Variants in ANGPT4 observed in about 807,000 individuals in gnomAD.
ANGPT4 encodes angiopoietin-4.
A neutral mutation model predicts 53.0 loss-of-function variants in ANGPT4; 50 were observed. The ratio of observed to expected loss-of-function variants is 0.94; its 90% CI spans 0.75 to 1.20. The LOEUF (loss-of-function observed/expected upper bound fraction) is 1.20. Among genes scored for constraint, ANGPT4 ranks in the 50% most tolerant of loss-of-function variants. The pLI, the probability that ANGPT4 is intolerant of heterozygous loss-of-function variation, is 0.00. For synonymous variants in ANGPT4, 251 were observed against 259.7 expected, an observed-to-expected ratio of 0.97 and a Z score of 0.32; for missense variants, 648 against 637.1, an observed-to-expected ratio of 1.02 and a Z score of -0.18.
At chr20:913,674 G>A (rs1436830730) in intron 1 of ANGPT4, among the ~76,000 whole-genome samples, 4 of 152,252 alleles carry the variant, frequency 2.6e-5, no homozygotes, top group Admixed American at 2.6e-4. Context: ...ATGGATGAGA[G>A]TGAGAGGTGA....
intron 4 of ANGPT4, 123 bp downstream of exon 4, chr20:884,955 G>A: frequency 1.5e-6 from 2 of 1,323,564 alleles, no homozygotes; most frequent in South Asian, 2.9e-5. Context: ...TTTCACAGAT[G>A]GTCGGGGAGG....
chr20:889,094 C>T (rs1981732611), intron 2 of ANGPT4, among the ~76,000 whole-genome samples: 1 of 152,182 alleles, frequency 6.6e-6, no homozygotes, highest in Non-Finnish European at 1.5e-5. Context: ...GTCTGGAGCA[C>T]TCTCTGCAGT....
rs556018104 is a variant in ANGPT4, at chr20:872,891, G to A, written c.*69C>T. The A allele has an allele frequency of 3.3e-5, 52 of 1,584,972 alleles. No homozygotes were observed. The African/African-American group carries it at 6.6e-4, about 20-fold the overall frequency. ...CGGTGGCACAGTGTCTTGCATCTGG[G>A]TCCAGGTTGTCCAGGAGTGCCAAGT... is the stretch of plus-strand genomic sequence containing the variant. On this transcript the variant is annotated 3_prime_UTR_variant, in exon 9 of 9. Coordinates refer to ENST00000381922, the MANE Select transcript of ANGPT4 (RefSeq NM_015985.4).
At chr20:874,627 T>C (rs1215138038) in intron 7 of ANGPT4, among the ~76,000 whole-genome samples, 1 of 152,234 alleles carries the variant, frequency 6.6e-6, no homozygotes, top group Non-Finnish European at 1.5e-5. Flanking sequence ...AAGCACTTAC[T>C]GTATGCCAGG....
At position 874,333 on chromosome 20, in the gene ANGPT4, G is replaced by C; in HGVS notation, c.1302C>G (p.Asp434Glu). The change falls in exon 8 of 9, where the codon GAC becomes GAG. Residue 434 changes from aspartate (D) to glutamate (E), a missense_variant. Transcript: ENST00000381922. ...TGCAGAGACAGTGGTCGTTGTCTGA[G>C]TCAAGGGTGCTAAAGCTGGTGTTCT... ...VLQNTSFSTL[D>E]SDNDHCLCKC... 2 of 1,614,236 alleles carry C rather than the reference G, an allele frequency of 1.2e-6. No individual in the cohort carries two copies. The highest frequency in any genetic ancestry group is 1.7e-6 in the Non-Finnish European group (2 of 1,180,034).
chr20:898,950 C>T (rs1361364518), intron 1 of ANGPT4, among the ~76,000 whole-genome samples: 3 of 152,206 alleles, frequency 2.0e-5, no homozygotes, highest in Non-Finnish European at 2.9e-5. Context: ...ACACCCAGAG[C>T]CCCTGGAAAT....
intron 1 of ANGPT4, among the ~76,000 whole-genome samples, chr20:897,429 G>C (rs1476843929): frequency 6.6e-6 from 1 of 152,096 alleles, no homozygotes; most frequent in Non-Finnish European, 1.5e-5. Flanking sequence ...CAATCTCCCT[G>C]TCCTTCCAAT....
chr20:878,436 T>A, intron 6 of ANGPT4, 109 bp from the exon 7 acceptor site: 1 of 1,111,570 alleles, frequency 9.0e-7, no homozygotes, highest in Non-Finnish European at 1.3e-6. Context: ...AAAACCACTG[T>A]GCTTAATGAT....
At position 888,435 on chromosome 20, in the gene ANGPT4, A is replaced by G. The variant is rs781224242; in HGVS notation, c.470T>C (p.Leu157Pro). The change falls in exon 3 of 9, where the codon CTG (leucine) becomes CCG (proline). Residue 157 changes from leucine to proline, a missense_variant. Physicochemically the swap from Leu to Pro is moderately conservative, Grantham distance 98. Coordinates refer to ENST00000381922, the MANE Select transcript of ANGPT4 (RefSeq NM_015985.4). The part of the protein sequence containing the change: ...RKLTDMEAQL[L>P]NQTSRMDAQM... Reference sequence around the variant, plus strand: ...GGCATCCATTCTTGATGTCTGGTTCAGGAGCTGCCCCAGCAAGCAGAAGCA... The same window carrying G: ...GGCATCCATTCTTGATGTCTGGTTCGGGAGCTGCCCCAGCAAGCAGAAGCA... The G allele has an allele frequency of 3.7e-6, 6 of 1,611,906 alleles. No individual in the cohort carries two copies. In the South Asian group the frequency reaches 6.6e-5, roughly 18 times the overall value.
chr20:884,728 A>C (rs371673089), intron 4 of ANGPT4, among the ~76,000 whole-genome samples: 2 of 152,264 alleles, frequency 1.3e-5, no homozygotes, highest in South Asian at 4.2e-4. Context: ...AGGGAGGGGT[A>C]GGACAAGCCC....
intron 1 of ANGPT4, among the ~76,000 whole-genome samples, chr20:894,487 G>A (rs756276309): frequency 3.3e-5 from 5 of 152,042 alleles, no homozygotes; most frequent in East Asian, 1.9e-4. Context: ...AGGCTGGTCC[G>A]GGGGTCCGTG....
rs1239931022 is a variant in ANGPT4 at position 914,981 on chromosome 20, A to T, written c.309+925T>A. 6.6e-6 allele frequency among the ~76,000 whole-genome samples: 1 copy of T among 152,124 alleles called. No individual in the cohort carries two copies. Reference sequence around the variant, plus strand: ...CGCATCCAATTCACCAGCAGAGCTGATGGGCTCTACCTCCAGAACCCACCA... The same window carrying T: ...CGCATCCAATTCACCAGCAGAGCTGTTGGGCTCTACCTCCAGAACCCACCA... On this transcript the variant is annotated intron_variant, in intron 1 of 8. Coordinates refer to ENST00000381922, the MANE Select transcript of ANGPT4 (RefSeq NM_015985.4). This position sits in a 1 kb window ranked among gnomAD's most constrained non-coding sequence, Gnocchi z 5.0.
intron 1 of ANGPT4, among the ~76,000 whole-genome samples, chr20:893,969 C>G (rs1280350168): frequency 6.6e-6 from 1 of 152,020 alleles, no homozygotes; most frequent in Non-Finnish European, 1.5e-5. Context: ...CTGTCAGCTC[C>G]CAGGAGATTC....
At chr20:891,724 T>C (rs1981854591) in intron 1 of ANGPT4, among the ~76,000 whole-genome samples, 1 of 152,220 alleles carries the variant, frequency 6.6e-6, no homozygotes, top group East Asian at 1.9e-4. Context: ...TCTTCTCCCT[T>C]CTTCCATCTT....
Position 873,041 on chromosome 20 carries a change from G to A in ANGPT4, c.1431C>T (p.Asp477=), listed in dbSNP as rs750544749. 23 of 1,613,998 alleles carry A rather than the reference G, an allele frequency of 1.4e-5. No homozygotes were observed. Among genetic ancestry groups the A allele is most frequent in the Middle Eastern group, 1.6e-4 (1 of 6,084 alleles). ...CCTTGAAGTAGTGCCAGCGGATGCC[G>A]TCCATCTTGTACTTGTTGTCGGGAG... ...YHAPDNKYKM[D]GIRWHYFKGP... Residue 477 remains aspartate (D), a synonymous_variant, in exon 9 of 9, where the codon GAC becomes GAT. Coordinates refer to ENST00000381922, the MANE Select transcript of ANGPT4 (RefSeq NM_015985.4).
At chr20:894,903 C>T (rs1019032330) in intron 1 of ANGPT4, among the ~76,000 whole-genome samples, 3 of 151,584 alleles carry the variant, frequency 2.0e-5, no homozygotes, top group Non-Finnish European at 4.4e-5. Context: ...GCTCCCCAAG[C>T]ACCTCACTGG....
intron 1 of ANGPT4, among the ~76,000 whole-genome samples, chr20:892,637 G>A (rs1282111820): frequency 6.6e-6 from 1 of 151,362 alleles, no homozygotes; most frequent in Admixed American, 6.6e-5. Context: ...AGCCCATAGT[G>A]CTCATCCTCC....
chr20:892,182 A>C (rs1981873471), intron 1 of ANGPT4, among the ~76,000 whole-genome samples: 1 of 151,678 alleles, frequency 6.6e-6, no homozygotes, highest in Non-Finnish European at 1.5e-5. Flanking sequence ...CTCTGATCTC[A>C]TCAACACAAA....
chr20:901,452 C>A lies in ANGPT4; in HGVS notation c.310-11084G>T, dbSNP rs1312853393. On this transcript the variant is annotated intron_variant, in intron 1 of 8. Coordinates refer to ENST00000381922, the MANE Select transcript of ANGPT4 (RefSeq NM_015985.4). ...CCCCCTTTAACGTAATTTTCCATTA[C>A]CTACCCAAATCCTATAAAACTGCCC... Among the ~76,000 whole-genome samples, 9 of 152,296 alleles carry A rather than the reference C, an allele frequency of 5.9e-5. No individual in the cohort carries two copies. The East Asian group carries it at 1.7e-3, about 29-fold the overall frequency.
Sources: allele counts gnomAD v4.1 joint callset (sites outside exome capture counted in the v4.1 genomes callset), GRCh38; gene constraint gnomAD v4.1.1; non-coding constraint Gnocchi (gnomAD v3.1); transcripts MANE v1.5; gene names NCBI Gene and HGNC (gene_info 2026-07-23, HGNC 2026-07-21).